CDH4: variants seen among roughly 807,000 people sequenced by gnomAD.
CDH4 encodes cadherin 4.
In CDH4, 33 loss-of-function variants were observed where a neutral mutation model predicts 86.0. That is an observed-to-expected ratio of 0.38 (90% CI 0.29 to 0.51). The LOEUF is 0.51. Among genes scored for constraint, CDH4 ranks in the 20% least tolerant of loss-of-function variants. The pLI is 0.86. For synonymous variants in CDH4, 555 were observed against 549.4 expected, an observed-to-expected ratio of 1.01 and a Z score of -0.14; for missense variants, 1,114 against 1,307.4, an observed-to-expected ratio of 0.85 and a Z score of 2.28.
At chr20:61,400,199 T>C (rs6061726) in intron 2 of CDH4, among the ~76,000 whole-genome samples, 78,167 of 152,012 alleles carry the variant, frequency 0.51, 21,523 homozygotes, top group African/African-American at 0.72. Context: ...AGGGAGTTAG[T>C]GCCTCCCAAT....
chr20:61,896,746 G>A (rs1000128364), intron 8 of CDH4, among the ~76,000 whole-genome samples: 67 of 152,350 alleles, frequency 4.4e-4, no homozygotes, highest in African/African-American at 1.5e-3. Flanking sequence ...AAAAGCTCAG[G>A]GCCAGGCTGC....
chr20:61,728,329 G>A (rs2088139075), intron 2 of CDH4, among the ~76,000 whole-genome samples: 1 of 152,208 alleles, frequency 6.6e-6, no homozygotes, highest in Admixed American at 6.5e-5. Context: ...GCAGGGTGGT[G>A]GAAGATCACG....
At chr20:61,442,297 G>A (rs1047019370) in intron 2 of CDH4, among the ~76,000 whole-genome samples, 2 of 152,180 alleles carry the variant, frequency 1.3e-5, no homozygotes, top group African/African-American at 4.8e-5. Flanking sequence ...GGGTGTGGAT[G>A]GAACCATGCC....
rs1454474317 is a variant in CDH4, at chr20:61,829,893, G to C, written c.577-14775G>C. On this transcript the variant is annotated intron_variant, in intron 4 of 15. Transcript: ENST00000614565. The surrounding 1 kb of genome is among the most constrained non-coding windows in gnomAD (Gnocchi z 4.2). ...CCGCCCCTAGCCTGCTGGGGTGGGA[G>C]GGACGAGGCTCCTGCCCGGCCGGCC... Among the ~76,000 whole-genome samples the C allele has an allele frequency of 6.6e-6, 1 of 152,066 alleles. No individual in the cohort carries two copies. Among genetic ancestry groups the C allele is most frequent in the African/African-American group, 2.4e-5 (1 of 41,374 alleles).
rs995352440 is a variant in CDH4, at chr20:61,560,007, C to T, written c.170-183556C>T. The stretch of plus-strand genomic sequence containing the variant: ...GGACCCTCTGTCCATCGACATCCAA[C>T]TTATTCTGCCATCAGGCATTAGGTA... On this transcript the variant is annotated intron_variant, in intron 2 of 15. Coordinates refer to ENST00000614565, the MANE Select transcript of CDH4 (RefSeq NM_001794.5). Among the ~76,000 whole-genome samples, 11 of 152,322 alleles carry T rather than the reference C, an allele frequency of 7.2e-5. No homozygotes were observed. In the East Asian group the frequency reaches 2.1e-3, roughly 29 times the overall value.
chr20:61,371,095 G>T (rs1172926049), intron 2 of CDH4, among the ~76,000 whole-genome samples: 1 of 152,234 alleles, frequency 6.6e-6, no homozygotes, highest in Non-Finnish European at 1.5e-5. Context: ...GATTCGTTCT[G>T]TTTGGAGCGA....
intron 4 of CDH4, among the ~76,000 whole-genome samples, chr20:61,779,336 G>A (rs1301967222): frequency 1.3e-5 from 2 of 152,012 alleles, no homozygotes; most frequent in East Asian, 3.9e-4. Context: ...GCAAACCCTC[G>A]GGCCCCCCTG....
intron 2 of CDH4, among the ~76,000 whole-genome samples, chr20:61,568,606 G>A (rs1336802340): frequency 6.6e-6 from 1 of 152,206 alleles, no homozygotes; most frequent in Non-Finnish European, 1.5e-5. Flanking sequence ...ATTCTTCCTG[G>A]TCTTCCCGCC....
chr20:61,563,671 A>T (rs562919038), intron 2 of CDH4, among the ~76,000 whole-genome samples: 137 of 152,260 alleles, frequency 9.0e-4, no homozygotes, highest in South Asian at 1.9e-3. Context: ...ACCCTGCTCC[A>T]CATGCCTGCA....
At position 61,252,693 on chromosome 20, in the gene CDH4, G is replaced by A; in HGVS notation, c.57+123G>A. 1 of 418,404 alleles carries A rather than the reference G, an allele frequency of 2.4e-6. No individual in the cohort carries two copies. The highest frequency in any genetic ancestry group is 3.5e-6 in the Non-Finnish European group (1 of 287,530). 25.9% of individuals were successfully genotyped at this position (418,404 alleles called of 1,614,324 possible). A position where few individuals can be genotyped will look rare whatever the true frequency, so the allele number is the denominator to read the frequency against. On this transcript the variant is annotated intron_variant, in intron 1 of 15. Transcript: ENST00000614565. This position sits in a 1 kb window ranked among gnomAD's most constrained non-coding sequence, Gnocchi z 4.4. ...CCCGGGCTCCCCCGCCGCGCTCCCC[G>A]CTGCATCCAGCCCGGCGCCCGCGCT... is the stretch of plus-strand genomic sequence containing the variant.
At chr20:61,861,321 T>C (rs924422521) in intron 6 of CDH4, among the ~76,000 whole-genome samples, 2 of 152,156 alleles carry the variant, frequency 1.3e-5, no homozygotes, top group Admixed American at 1.3e-4. Flanking sequence ...GGCACCACTC[T>C]TAAGTTCTCC....
chr20:61,389,108 C>T (rs554158382), intron 2 of CDH4, among the ~76,000 whole-genome samples: 12 of 152,274 alleles, frequency 7.9e-5, no homozygotes, highest in East Asian at 3.9e-4. Flanking sequence ...AGAATGCAAA[C>T]GGCTAGAGGC....
At chr20:61,705,594 G>A (rs1600894419) in intron 2 of CDH4, among the ~76,000 whole-genome samples, 1 of 152,178 alleles carries the variant, frequency 6.6e-6, no homozygotes, top group Non-Finnish European at 1.5e-5. Context: ...TCTGTCAGGA[G>A]AGCCACCCTC....
intron 2 of CDH4, among the ~76,000 whole-genome samples, chr20:61,637,320 G>A (rs1244779261): frequency 5.9e-5 from 9 of 152,094 alleles, no homozygotes; most frequent in African/African-American, 4.8e-5. Context: ...CCGCTCCCAC[G>A]ACCAGAGAGA....
chr20:61,515,491 G>A (rs1349143372), intron 2 of CDH4, among the ~76,000 whole-genome samples: 1 of 152,172 alleles, frequency 6.6e-6, no homozygotes, highest in Non-Finnish European at 1.5e-5. Context: ...GATGGTGTGG[G>A]GCTTTTCTCT....
intron 2 of CDH4, among the ~76,000 whole-genome samples, chr20:61,661,445 C>T (rs2087256238): frequency 1.3e-5 from 2 of 149,896 alleles, no homozygotes; most frequent in South Asian, 4.2e-4. Flanking sequence ...CTCAGATAGC[C>T]CTTTAAGTGG....
chr20:61,927,655 G>A (rs1369259557), intron 11 of CDH4, among the ~76,000 whole-genome samples: 1 of 152,234 alleles, frequency 6.6e-6, no homozygotes, highest in Non-Finnish European at 1.5e-5. Flanking sequence ...TCCCAGATGG[G>A]GGCAAGATGT....
chr20:61,828,922 A>C (rs894042749), intron 4 of CDH4, among the ~76,000 whole-genome samples: 1 of 152,264 alleles, frequency 6.6e-6, no homozygotes, highest in Non-Finnish European at 1.5e-5. Flanking sequence ...GTTCCAGCTC[A>C]GATCATCAGG....
At chr20:61,472,843 A>G (rs1043041921) in intron 2 of CDH4, among the ~76,000 whole-genome samples, 3 of 152,190 alleles carry the variant, frequency 2.0e-5, no homozygotes, top group Non-Finnish European at 4.4e-5. Context: ...TTTTTAGTCA[A>G]ATATGAATCA....
Sources: allele counts gnomAD v4.1 joint callset (sites outside exome capture counted in the v4.1 genomes callset), GRCh38; gene constraint gnomAD v4.1.1; non-coding constraint Gnocchi (gnomAD v3.1); transcripts MANE v1.5; gene names NCBI Gene and HGNC (gene_info 2026-07-23, HGNC 2026-07-21).